The following GABPB2 variants were observed in gnomAD, a reference collection of about 807,000 sequenced individuals.
GABPB2 encodes the protein GA binding protein transcription factor subunit beta 2.
GABPB2 carries 23 observed loss-of-function variants against 39.1 expected under a neutral mutation model. The observed-to-expected ratio is 0.59, with a 90% CI of 0.42 to 0.83. GABPB2 has a LOEUF of 0.83. GABPB2 is among the 40% of genes least tolerant of loss of function. GABPB2 has a pLI of 0.00. For missense variants in GABPB2, 467 were observed against 541.1 expected, an observed-to-expected ratio of 0.86 and a Z score of 1.36; for synonymous variants, 184 against 199.3, an observed-to-expected ratio of 0.92 and a Z score of 0.65.
At chr1:151,078,065 G>C (rs1677337518) in intron 1 of GABPB2, among the ~76,000 whole-genome samples, 1 of 150,544 alleles carries the variant, frequency 6.6e-6, no homozygotes, top group African/African-American at 2.4e-5. Flanking sequence ...GAAGTCAGGA[G>C]TTCAAGCCTC....
rs1292213015 is a variant in GABPB2 at position 151,107,041 on chromosome 1, T to C, written c.741T>C (p.Asn247=). 1 of 1,602,462 alleles carries C rather than the reference T, an allele frequency of 6.2e-7. No homozygotes were observed. Among genetic ancestry groups the C allele is most frequent in the South Asian group, 1.1e-5 (1 of 88,996 alleles). The change falls in exon 7 of 9, where the codon AAT becomes AAC. Residue 247 remains asparagine (N), a synonymous_variant. Coordinates refer to ENST00000368918, the MANE Select transcript of GABPB2 (RefSeq NM_144618.3). The stretch of plus-strand genomic sequence containing the variant: ...ATTTGCTTTTGTCATCTCTAGCCAA[T>C]ACAGAGGAAATTATAGAAGGAAATT... ...PLSNSHRATA[N]TEEIIEGNSV...
rs1014651865 is a variant in GABPB2, at chr1:151,116,609, G to T, written c.923-783G>T. Reference sequence around the variant, plus strand: ...ACAGATTATTTCTGCAGTTTTTTTTGTTTGTTTGTTTGTTTTAAGACAGGG... The same window carrying T: ...ACAGATTATTTCTGCAGTTTTTTTTTTTTGTTTGTTTGTTTTAAGACAGGG... On this transcript the variant is annotated intron_variant, in intron 7 of 8. Transcript: ENST00000368918. 2.6e-4 allele frequency among the ~76,000 whole-genome samples: 39 copies of T among 151,604 alleles called. No homozygotes were observed. In the East Asian group the frequency reaches 3.1e-3, roughly 12 times the overall value.
At chr1:151,084,267 C>T (rs1471647340) in intron 1 of GABPB2, among the ~76,000 whole-genome samples, 1 of 151,650 alleles carries the variant, frequency 6.6e-6, no homozygotes, top group Non-Finnish European at 1.5e-5. Context: ...TCTTGTTGCT[C>T]AGGCTGGAGT....
In GABPB2 at chr1:151,093,302, T is replaced by C. The variant is rs1473427977; in HGVS notation, c.387T>C (p.Asp129=). 3.1e-6 allele frequency: 5 copies of C among 1,612,516 alleles called. No individual in the cohort carries two copies. In the Admixed American group the frequency reaches 8.4e-5, roughly 27 times the overall value. ...VVELLIKYGA[D]VHAFSKFDKS... ...AGTTACTTATCAAATATGGAGCTGA[T>C]GTCCATGCTTTCAGCAAATTTGATA... is the stretch of plus-strand genomic sequence containing the variant. The change falls in exon 4 of 9, where the codon GAT becomes GAC. Residue 129 remains aspartate, a synonymous_variant. Transcript: ENST00000368918.
chr1:151,075,563 C>CAAAAAA (rs35110350), intron 1 of GABPB2, among the ~76,000 whole-genome samples: 2 of 44,264 alleles, frequency 4.5e-5, no homozygotes, highest in African/African-American at 1.9e-4. Flanking sequence ...GACTTTGTCT[C>CAAAAAA]AAAAAAAAAA....
In GABPB2 at chr1:151,120,289, A is replaced by G. The variant is rs1681135221; in HGVS notation, c.*2033A>G. On this transcript the variant is annotated 3_prime_UTR_variant, in exon 9 of 9. Transcript: ENST00000368918. ...AGGTGACAGAGGTTGCAGTGATCCA[A>G]GATCATGCCACTGCACTCCAGCCTG... The G allele has an allele frequency of 6.6e-6, 1 of 152,246 alleles. No homozygotes were observed. The highest frequency in any genetic ancestry group is 2.1e-4 in the South Asian group (1 of 4,834). 9.4% of individuals were successfully genotyped at this position (152,246 alleles called of 1,614,324 possible).
At chr1:151,076,534 A>G (rs758808462) in intron 1 of GABPB2, among the ~76,000 whole-genome samples, 9 of 151,756 alleles carry the variant, frequency 5.9e-5, no homozygotes, top group Admixed American at 3.9e-4. Flanking sequence ...GGTTCAAGCA[A>G]TTCTCCTGCA....
chr1:151,118,337 A>C lies in GABPB2; in HGVS notation c.*81A>C, dbSNP rs1681045853. 1.5e-6 allele frequency: 2 copies of C among 1,322,320 alleles called. No homozygotes were observed. Among genetic ancestry groups the C allele is most frequent in the African/African-American group, 1.5e-5 (1 of 67,482 alleles). The allele number at this position is 1,322,320 out of a possible 1,614,324, so 81.9% of individuals were successfully genotyped here. A position where few individuals can be genotyped will look rare whatever the true frequency, so the allele number is the denominator to read the frequency against. On this transcript the variant is annotated 3_prime_UTR_variant, in exon 9 of 9. Coordinates refer to ENST00000368918, the MANE Select transcript of GABPB2 (RefSeq NM_144618.3). Reference sequence around the variant, plus strand: ...AATATACAGAAGACAAACATTGTATAAAAACTAAGAGTGTCTTTAAGAAGA... The same window carrying C: ...AATATACAGAAGACAAACATTGTATCAAAACTAAGAGTGTCTTTAAGAAGA...
At position 151,088,269 on chromosome 1, in the gene GABPB2, C is replaced by T; in HGVS notation, c.80C>T (p.Ala27Val). 1 of 1,613,726 alleles carries T rather than the reference C, an allele frequency of 6.2e-7. No individual in the cohort carries two copies. The highest frequency in any genetic ancestry group is 8.5e-7 in the Non-Finnish European group (1 of 1,179,736). Residue 27 changes from alanine to valine, a missense_variant, in exon 2 of 9, where the codon GCA becomes GTA. Physicochemically the swap from Ala to Val is moderately conservative, Grantham distance 64. Transcript: ENST00000368918. ...GQDDEVRTLM[A>V]NGAPFTTDWL... ...GATGATGAAGTGAGAACGTTGATGG[C>T]AAATGGCGCCCCATTCACCACAGAC...
rs939265835 is a variant in GABPB2, at chr1:151,090,625, C to T, written c.276+52C>T. On this transcript the variant is annotated intron_variant, in intron 3 of 8. Transcript: ENST00000368918. ...TGTTGTTAAAAAGGCATCCACTTTC[C>T]TGTTTTCTTACTTAAATGGGTACTA... 4 of 1,560,778 alleles carry T rather than the reference C, an allele frequency of 2.6e-6. No homozygotes were observed. The African/African-American group carries it at 5.4e-5, about 21-fold the overall frequency.
chr1:151,080,232 A>AAAAAAAAAAAAAAAAAAAAAAAAC (rs1677548096), intron 1 of GABPB2, among the ~76,000 whole-genome samples: 1 of 118,944 alleles, frequency 8.4e-6, no homozygotes, highest in Non-Finnish European at 1.7e-5. Context: ...AAAAAAAAAA[A>AAAAAAAAAAAAAAAAAAAAAAAAC]AAAAAAAAAA....
intron 1 of GABPB2, among the ~76,000 whole-genome samples, chr1:151,075,562 T>TAAA (rs1677097746): frequency 5.1e-5 from 2 of 39,130 alleles, no homozygotes; most frequent in African/African-American, 9.6e-5. Flanking sequence ...AGACTTTGTC[T>TAAA]CAAAAAAAAA....
At position 151,103,494 on chromosome 1, in the gene GABPB2, A is replaced by G. The variant is rs895145368; in HGVS notation, c.623-68A>G. ...GGAAAAGCTGAGGTTTTGATTTAAT[A>G]AGCTGTTTTTAATTTGCCTCAATTT... On this transcript the variant is annotated intron_variant, in intron 5 of 8. Coordinates refer to ENST00000368918, the MANE Select transcript of GABPB2 (RefSeq NM_144618.3). The G allele has an allele frequency of 8.2e-6, 8 of 976,632 alleles. No homozygotes were observed. In the East Asian group the frequency reaches 1.9e-4, roughly 24 times the overall value. 60.5% of individuals were successfully genotyped at this position (976,632 alleles called of 1,614,324 possible).
intron 3 of GABPB2, among the ~76,000 whole-genome samples, chr1:151,092,147 G>A (rs367648925): frequency 3.4e-5 from 4 of 117,836 alleles, no homozygotes; most frequent in Non-Finnish European, 4.9e-5. Flanking sequence ...TTGCTCTGTC[G>A]CCAGGCTGGA....
chr1:151,105,743 A>G (rs1167790057), intron 6 of GABPB2, among the ~76,000 whole-genome samples: 1 of 151,954 alleles, frequency 6.6e-6, no homozygotes, highest in Non-Finnish European at 1.5e-5. Flanking sequence ...AGCCTCAAGC[A>G]GTCCTCCTGC....
chr1:151,077,201 G>C (rs771065042), intron 1 of GABPB2, among the ~76,000 whole-genome samples: 3 of 152,072 alleles, frequency 2.0e-5, no homozygotes, highest in Non-Finnish European at 4.4e-5. Context: ...ATTAAAGCCC[G>C]TTGGGAAAAC....
At chr1:151,110,294 G>A (rs587690951) in intron 7 of GABPB2, among the ~76,000 whole-genome samples, 1 of 151,622 alleles carries the variant, frequency 6.6e-6, no homozygotes, top group East Asian at 1.9e-4. Context: ...TCCAAACTTT[G>A]GTATCATAAA....
intron 7 of GABPB2, among the ~76,000 whole-genome samples, chr1:151,115,838 C>T (rs1571997625): frequency 6.6e-6 from 1 of 152,190 alleles, no homozygotes; most frequent in Non-Finnish European, 1.5e-5. Flanking sequence ...CACAGTGGCT[C>T]ACACTTGTAA....
At position 151,123,454 on chromosome 1, in the gene GABPB2, CAAAA is replaced by C. The variant is rs879010713; in HGVS notation, c.*5211_*5214del. The stretch of plus-strand genomic sequence containing the variant: ...TGGGCAATAGAGCGAGACTCTGTCT[CAAAA>C]AAAAAAAAAAAAGAAGGAAAGAAAG... On this transcript the variant is annotated 3_prime_UTR_variant, in exon 9 of 9. Transcript: ENST00000368918. The C allele has an allele frequency of 3.9e-5, 3 of 77,506 alleles. No individual in the cohort carries two copies. Among genetic ancestry groups the C allele is most frequent in the Non-Finnish European group, 7.9e-5 (3 of 37,780 alleles). The allele number at this position is 77,506 out of a possible 1,614,324, so 4.8% of individuals were successfully genotyped here. A position where few individuals can be genotyped will look rare whatever the true frequency, so the allele number is the denominator to read the frequency against.
Sources: gnomAD v4.1 joint callset for allele counts (sites outside exome capture counted in the v4.1 genomes callset) on GRCh38, gnomAD v4.1.1 for gene constraint, MANE v1.5 for transcripts, NCBI Gene and HGNC (gene_info 2026-07-23, HGNC 2026-07-21) for gene names.